Variants in SHISA9 observed in about 807,000 individuals in gnomAD.
SHISA9 encodes the protein shisa family member 9.
Under a neutral mutation model 38.0 loss-of-function variants are expected in SHISA9, and 13 were observed. The ratio of observed to expected loss-of-function variants is 0.34; its 90% CI spans 0.22 to 0.54. The LOEUF (loss-of-function observed/expected upper bound fraction) is 0.54, where lower values mean the gene tolerates loss of function less well. Ranked by LOEUF, SHISA9 falls within the 20% of genes least tolerant of loss-of-function variation. The probability of loss-of-function intolerance (pLI) is 0.91; values close to 1 mark genes in which losing one functional copy is unlikely to be tolerated. For missense variants in SHISA9, 538 were observed against 575.8 expected, an observed-to-expected ratio of 0.93 and a Z score of 0.67; for synonymous variants, 275 against 242.0, an observed-to-expected ratio of 1.14 and a Z score of -1.27.
intron 2 of SHISA9, among the ~76,000 whole-genome samples, chr16:12,973,680 C>G (rs2072116096): frequency 6.6e-6 from 1 of 152,186 alleles, no homozygotes; most frequent in African/African-American, 2.4e-5. Context: ...TTTCCAACCA[C>G]TCTACCTACT....
At chr16:12,939,656 CT>C (rs1567346007) in intron 2 of SHISA9, among the ~76,000 whole-genome samples, 2 of 152,124 alleles carry the variant, frequency 1.3e-5, no homozygotes, top group African/African-American at 2.4e-5. Flanking sequence ...CTGACTTGTG[CT>C]TTTTTTCCAC....
intron 2 of SHISA9, among the ~76,000 whole-genome samples, chr16:12,937,075 G>A (rs1489808740): frequency 1.3e-5 from 2 of 152,068 alleles, no homozygotes; most frequent in African/African-American, 4.8e-5. Context: ...CCCCTGTGTT[G>A]TACAAGCCCA....
chr16:12,972,799 G>T (rs983513334), intron 2 of SHISA9, among the ~76,000 whole-genome samples: 4 of 152,166 alleles, frequency 2.6e-5, no homozygotes, highest in Admixed American at 6.5e-5. Context: ...TGGATGGTAA[G>T]ATTGGGTAAT....
In SHISA9 at chr16:13,177,763, G is replaced by C. The variant is rs546463524; in HGVS notation, c.692-25631G>C. Reference sequence around the variant, plus strand: ...AGGCTCACTGCAACCTCTGCCTCCTGTGTTCAAGCGATTCTCCTGCCTCAG... The same window carrying C: ...AGGCTCACTGCAACCTCTGCCTCCTCTGTTCAAGCGATTCTCCTGCCTCAG... On this transcript the variant is annotated intron_variant, in intron 2 of 4. Coordinates refer to ENST00000558583, the MANE Select transcript of SHISA9 (RefSeq NM_001145204.3). Among the ~76,000 whole-genome samples, 172 of 152,230 alleles carry C rather than the reference G, an allele frequency of 1.1e-3. No homozygotes were observed. The Middle Eastern group carries it at 0.014, about 12-fold the overall frequency.
the SHISA9 span, among the ~76,000 whole-genome samples, chr16:13,346,984 A>G: frequency 1.3e-5 from 2 of 152,110 alleles, no homozygotes; most frequent in Non-Finnish European, 2.9e-5. Context: ...CATTTGTTCT[A>G]TGTAATGTGG....
intron 2 of SHISA9, among the ~76,000 whole-genome samples, chr16:13,063,746 T>C (rs140891563): frequency 1.6e-3 from 248 of 152,186 alleles, no homozygotes; most frequent in African/African-American, 5.8e-3. Context: ...ATTGGTACCA[T>C]GAAGCAGAAC....
intron 2 of SHISA9, among the ~76,000 whole-genome samples, chr16:13,194,657 C>G (rs1009458823): frequency 6.6e-6 from 1 of 152,068 alleles, no homozygotes; most frequent in Non-Finnish European, 1.5e-5. Flanking sequence ...ATCTCAATTC[C>G]TCAACCCTAC....
At chr16:13,120,915 C>T (rs1248755758) in intron 2 of SHISA9, among the ~76,000 whole-genome samples, 1 of 152,110 alleles carries the variant, frequency 6.6e-6, no homozygotes, top group Non-Finnish European at 1.5e-5. Context: ...TTAAGCTACT[C>T]AGCTGCCAAG....
At chr16:12,904,402 C>A (rs1050752339) in intron 1 of SHISA9, among the ~76,000 whole-genome samples, 2 of 152,168 alleles carry the variant, frequency 1.3e-5, no homozygotes, top group African/African-American at 2.4e-5. Context: ...GAGGAGCTAA[C>A]CTTTGGGCAT....
chr16:13,512,269 A>G, the SHISA9 span, among the ~76,000 whole-genome samples: 11 of 152,186 alleles, frequency 7.2e-5, no homozygotes, highest in African/African-American at 2.6e-4. Context: ...TTGCTGCAAA[A>G]AGAATAAAAT....
chr16:13,361,751 C>G, the SHISA9 span, among the ~76,000 whole-genome samples: 1 of 152,216 alleles, frequency 6.6e-6, no homozygotes, highest in South Asian at 2.1e-4. Flanking sequence ...TCTCCACTCT[C>G]CTTCTCAGAG....
chr16:13,031,496 T>G (rs2072990808), intron 2 of SHISA9, among the ~76,000 whole-genome samples: 1 of 152,208 alleles, frequency 6.6e-6, no homozygotes, highest in Non-Finnish European at 1.5e-5. Flanking sequence ...GTGCAAGATC[T>G]TATGTAATTC....
chr16:13,177,644 GGTTCACGGT>G (rs201844459), intron 2 of SHISA9, among the ~76,000 whole-genome samples: 8 of 151,638 alleles, frequency 5.3e-5, no homozygotes, highest in East Asian at 1.9e-4. Context: ...GCAAGAACTA[GGTTCACGGT>G]GTTTTTGTTT....
intron 2 of SHISA9, among the ~76,000 whole-genome samples, chr16:13,017,380 A>G (rs984975335): frequency 5.3e-5 from 8 of 152,176 alleles, no homozygotes; most frequent in African/African-American, 1.9e-4. Flanking sequence ...AATTTATCTC[A>G]TTATCACATT....
chr16:13,047,756 C>T (rs1263314736), intron 2 of SHISA9, among the ~76,000 whole-genome samples: 1 of 152,108 alleles, frequency 6.6e-6, no homozygotes. Context: ...GCTCACACAA[C>T]CCTATGGGCT....
At chr16:13,169,869 G>T (rs931100154) in intron 2 of SHISA9, among the ~76,000 whole-genome samples, 1 of 152,204 alleles carries the variant, frequency 6.6e-6, no homozygotes, top group Admixed American at 6.5e-5. Context: ...TGGCAGTCTG[G>T]TTATGAATCC....
At chr16:13,127,888 ACTGCTGGGAGAGCCCAG>A (rs1262955238) in intron 2 of SHISA9, among the ~76,000 whole-genome samples, 2 of 152,280 alleles carry the variant, frequency 1.3e-5, no homozygotes, top group East Asian at 3.9e-4. Flanking sequence ...AGAGGCCTGG[ACTGCTGGGAGAGCCCAG>A]CTTCTGATGC....
the SHISA9 span, among the ~76,000 whole-genome samples, chr16:13,479,991 T>C: frequency 6.6e-6 from 1 of 152,216 alleles, no homozygotes; most frequent in African/African-American, 2.4e-5. Flanking sequence ...ACTAGCTGCA[T>C]TGGTTTTGGC....
At chr16:13,506,317 C>T in the SHISA9 span, among the ~76,000 whole-genome samples, 1 of 152,102 alleles carries the variant, frequency 6.6e-6, no homozygotes, top group Non-Finnish European at 1.5e-5. Flanking sequence ...AAAAAGACAA[C>T]GACTCCTAGA....
Sources: allele counts gnomAD v4.1 joint callset (sites outside exome capture counted in the v4.1 genomes callset), GRCh38; gene constraint gnomAD v4.1.1; transcripts MANE v1.5; gene names NCBI Gene and HGNC (gene_info 2026-07-23, HGNC 2026-07-21).